FOXP1: variants seen among roughly 807,000 people sequenced by gnomAD.
The protein encoded by FOXP1 is forkhead box P1.
A neutral mutation model predicts 98.2 loss-of-function variants in FOXP1; 15 were observed. The ratio of observed to expected loss-of-function variants is 0.15; its 90% CI spans 0.10 to 0.24. The LOEUF is 0.24. Ranked by LOEUF, FOXP1 falls within the 10% of genes least tolerant of loss-of-function variation. The probability of loss-of-function intolerance (pLI) is 1.00; values close to 1 mark genes in which losing one functional copy is unlikely to be tolerated. For missense variants in FOXP1, 633 were observed against 848.5 expected (o/e 0.75, Z 3.15); for synonymous variants, 371 against 314.5 (o/e 1.18, Z -1.90).
chr3:71,528,386 G>A (rs1001709287), intron 2 of FOXP1, among the ~76,000 whole-genome samples: 8 of 152,192 alleles, frequency 5.3e-5, no homozygotes, highest in South Asian at 2.1e-4. Flanking sequence ...AATTTTAAAC[G>A]CCTAATTATA....
intron 7 of FOXP1, among the ~76,000 whole-genome samples, chr3:71,097,328 C>A (rs1467184024): frequency 6.6e-6 from 1 of 152,134 alleles, no homozygotes; most frequent in Admixed American, 6.5e-5. Context: ...TACAGCCATG[C>A]TCATTCATTT....
At chr3:71,492,192 C>T (rs2091106426) in intron 3 of FOXP1, among the ~76,000 whole-genome samples, 1 of 152,134 alleles carries the variant, frequency 6.6e-6, no homozygotes, top group African/African-American at 2.4e-5. Context: ...TGGCTCACAC[C>T]TGTAATCCCA....
Position 71,198,615 on chromosome 3 carries a change from G to A in FOXP1, c.-11-223C>T, listed in dbSNP as rs191698385. On this transcript the variant is annotated intron_variant, in intron 5 of 20. Transcript: ENST00000649528. Reference sequence around the variant, plus strand: ...TCCCAATTCAAGTTTCAGTAGTATTGTTTTAAATATATTACTTTTTTACCC... The same window carrying A: ...TCCCAATTCAAGTTTCAGTAGTATTATTTTAAATATATTACTTTTTTACCC... Among the ~76,000 whole-genome samples, 79 of 152,100 alleles carry A rather than the reference G, an allele frequency of 5.2e-4. 2 individuals are homozygous for A. The East Asian group carries it at 0.012, about 23-fold the overall frequency.
chr3:71,283,592 G>A (rs1438102980), intron 5 of FOXP1, among the ~76,000 whole-genome samples: 1 of 152,188 alleles, frequency 6.6e-6, no homozygotes, highest in East Asian at 1.9e-4. Context: ...GGATAACAGA[G>A]CAATAGCAGA....
chr3:70,970,762 A>T lies in FOXP1; in HGVS notation c.1696T>A (p.Cys566Ser). ...TGTAAAGCTGCATTGAGAGGTGTGC[A>T]GTAGGCGTGGCTGCTCTGCATGTTT... The part of the protein sequence containing the change: ...IKNMQSSHAY[C>S]TPLNAALQAS... Residue 566 changes from cysteine (C) to serine (S), a missense_variant, in exon 19 of 21, where the codon TGC becomes AGC. Cys to Ser is a moderately radical substitution (Grantham distance 112). This residue lies in a region of FOXP1 where 150 missense variants were observed against 163.7 expected (regional missense o/e 0.92). Coordinates refer to ENST00000649528, the MANE Select transcript of FOXP1 (RefSeq NM_001349338.3). 5 of 1,614,082 alleles carry T rather than the reference A, an allele frequency of 3.1e-6. No individual in the cohort carries two copies. Among genetic ancestry groups the T allele is most frequent in the Non-Finnish European group, 4.2e-6 (5 of 1,179,924 alleles).
Position 71,305,191 on chromosome 3 carries a change from A to G in FOXP1, c.-72-5311T>C, listed in dbSNP as rs1375544908. On this transcript the variant is annotated intron_variant, in intron 4 of 20. Coordinates refer to ENST00000649528, the MANE Select transcript of FOXP1 (RefSeq NM_001349338.3). ...TGCTTTCTAAAGACAGTACGGGAACAAAAAATAGCAAGACCCCAGATAGTA... is the reference window on the plus strand; with the variant it reads ...TGCTTTCTAAAGACAGTACGGGAACGAAAAATAGCAAGACCCCAGATAGTA... Among the ~76,000 whole-genome samples the G allele has an allele frequency of 3.9e-5, 6 of 152,230 alleles. No homozygotes were observed. The East Asian group carries it at 1.2e-3, about 29-fold the overall frequency.
At chr3:71,581,228 A>C in intron 2 of FOXP1, 1 of 985,412 alleles carries the variant, frequency 1.0e-6, no homozygotes, top group Non-Finnish European at 1.2e-6. Flanking sequence ...CTTGGAAATA[A>C]TTAATAGTTA....
At chr3:71,422,850 G>C (rs1209905366) in intron 3 of FOXP1, among the ~76,000 whole-genome samples, 1 of 151,622 alleles carries the variant, frequency 6.6e-6, no homozygotes, top group Non-Finnish European at 1.5e-5. Flanking sequence ...CCATTTCTGG[G>C]TACACACACA....
intron 3 of FOXP1, among the ~76,000 whole-genome samples, chr3:71,431,572 G>A (rs1034098939): frequency 3.3e-5 from 5 of 152,166 alleles, no homozygotes; most frequent in African/African-American, 4.8e-5. Flanking sequence ...AGTAAGTGGC[G>A]AAGCAGAGAT....
chr3:71,580,674 G>A, intron 2 of FOXP1: 1 of 404,116 alleles, frequency 2.5e-6, no homozygotes, highest in Non-Finnish European at 3.3e-6. Context: ...TGGAAAACGG[G>A]GGTGGGGGAA....
chr3:71,428,701 A>T (rs971642662), intron 3 of FOXP1, among the ~76,000 whole-genome samples: 1 of 152,250 alleles, frequency 6.6e-6, no homozygotes, highest in Non-Finnish European at 1.5e-5. Flanking sequence ...AAACAATAAT[A>T]GTTAGGCAGG....
At chr3:71,226,972 G>A (rs901811207) in intron 5 of FOXP1, among the ~76,000 whole-genome samples, 4 of 152,140 alleles carry the variant, frequency 2.6e-5, no homozygotes, top group Non-Finnish European at 5.9e-5. Flanking sequence ...CGCACAGGAC[G>A]ACTCTGGTTT....
chr3:70,987,870 A>C lies in FOXP1; in HGVS notation c.1146+124T>G, dbSNP rs2040000217. On this transcript the variant is annotated intron_variant, in intron 14 of 20. Transcript: ENST00000649528. The stretch of plus-strand genomic sequence containing the variant: ...AACCAGAAACAGTCGCATGAATCTA[A>C]GGCCCTCAAAACTCAAAGCTCCACC... 3.7e-6 allele frequency: 3 copies of C among 803,478 alleles called. No individual in the cohort carries two copies. The Admixed American group carries it at 5.9e-5, about 16-fold the overall frequency. The allele number at this position is 803,478 out of a possible 1,614,324, so 49.8% of individuals were successfully genotyped here.
In FOXP1 at chr3:71,582,856, G is replaced by T. The variant is rs528154273; in HGVS notation, c.-447+715C>A. ...GAGCTTCCTCGCCGCTGACTCTCGG[G>T]GTAACGCGCGCGTGGCAGCGGGGAA... On this transcript the variant is annotated intron_variant, in intron 1 of 20. Transcript: ENST00000649528. The T allele has an allele frequency of 6.9e-5, 66 of 960,712 alleles. No homozygotes were observed. The African/African-American group carries it at 1.1e-3, about 16-fold the overall frequency. The allele number at this position is 960,712 out of a possible 1,614,324, so 59.5% of individuals were successfully genotyped here.
chr3:71,146,698 C>T (rs1000521890), intron 6 of FOXP1, among the ~76,000 whole-genome samples: 1 of 152,030 alleles, frequency 6.6e-6, no homozygotes, highest in Non-Finnish European at 1.5e-5. Flanking sequence ...GAGTTTAAAA[C>T]GTGTAAAAAT....
At chr3:71,065,099 GC>G (rs2052287872) in intron 7 of FOXP1, among the ~76,000 whole-genome samples, 1 of 149,418 alleles carries the variant, frequency 6.7e-6, no homozygotes, top group Non-Finnish European at 1.5e-5. Flanking sequence ...GCGCGCCCCG[GC>G]CCCCTCCGCG....
chr3:71,426,189 T>C (rs776424836), intron 3 of FOXP1, among the ~76,000 whole-genome samples: 3 of 152,178 alleles, frequency 2.0e-5, no homozygotes, highest in Non-Finnish European at 2.9e-5. Flanking sequence ...AAAGATCCTA[T>C]GAACATTGAA....
At position 71,423,796 on chromosome 3, in the gene FOXP1, G is replaced by A. The variant is rs559711481; in HGVS notation, c.-167-64552C>T. On this transcript the variant is annotated intron_variant, in intron 3 of 20. Coordinates refer to ENST00000649528, the MANE Select transcript of FOXP1 (RefSeq NM_001349338.3). ...TGCTATTATGCTCCCCCGCCGCCCCGCCCATTCTATGTGTGATCTAGCTGA... is the reference window on the plus strand; with the variant it reads ...TGCTATTATGCTCCCCCGCCGCCCCACCCATTCTATGTGTGATCTAGCTGA... Among the ~76,000 whole-genome samples, 36 of 152,094 alleles carry A rather than the reference G, an allele frequency of 2.4e-4. No homozygotes were observed. The South Asian group carries it at 4.4e-3, about 18-fold the overall frequency.
chr3:71,439,252 T>G (rs1424384651), intron 3 of FOXP1, among the ~76,000 whole-genome samples: 1 of 152,200 alleles, frequency 6.6e-6, no homozygotes, highest in African/African-American at 2.4e-5. Flanking sequence ...GGACCATGCA[T>G]GCAAACGATT....
Sources: gnomAD v4.1 joint callset for allele counts (sites outside exome capture counted in the v4.1 genomes callset) on GRCh38, gnomAD v4.1.1 for gene constraint, gnomAD v4.1.1 regional missense constraint, MANE v1.5 for transcripts, NCBI Gene and HGNC (gene_info 2026-07-23, HGNC 2026-07-21) for gene names.